CCDC170: variants seen among roughly 807,000 people sequenced by gnomAD.
The protein encoded by CCDC170 is coiled-coil domain containing 170, also known as coiled-coil domain-containing protein 170.
Under a neutral mutation model 72.6 loss-of-function variants are expected in CCDC170, and 69 were observed. The ratio of observed to expected loss-of-function variants is 0.95; its 90% CI spans 0.78 to 1.16. CCDC170 has a LOEUF of 1.16. Ranked by LOEUF, CCDC170 falls within the 50% of genes most tolerant of loss-of-function variation. CCDC170 has a pLI of 0.00. For synonymous variants in CCDC170, 300 were observed against 303.9 expected (o/e 0.99, Z 0.13); for missense variants, 852 against 832.5 (o/e 1.02, Z -0.29).
chr6:151,520,648 C>T (rs1477257517), intron 1 of CCDC170, among the ~76,000 whole-genome samples: 1 of 152,182 alleles, frequency 6.6e-6, no homozygotes, highest in Non-Finnish European at 1.5e-5. Context: ...GACTCTGACC[C>T]TCCCTAAACT....
intron 1 of CCDC170, among the ~76,000 whole-genome samples, chr6:151,530,359 A>C (rs1404804700): frequency 6.6e-6 from 1 of 151,370 alleles, no homozygotes; most frequent in East Asian, 1.9e-4. Flanking sequence ...ATTTTGTACC[A>C]GTTTATCTTT....
chr6:151,526,732 CT>C (rs746064973), intron 1 of CCDC170, among the ~76,000 whole-genome samples: 4 of 151,826 alleles, frequency 2.6e-5, no homozygotes, highest in Admixed American at 1.3e-4. Context: ...CCTTAATTGC[CT>C]GATTTTTAGG....
chr6:151,533,873 T>A (rs1315150148), intron 1 of CCDC170, among the ~76,000 whole-genome samples: 1 of 152,156 alleles, frequency 6.6e-6, no homozygotes, highest in Non-Finnish European at 1.5e-5. Context: ...GAGTAGGCTA[T>A]CAGTAAATAC....
intron 4 of CCDC170, 54 bp from the exon 5 acceptor site, chr6:151,548,250 A>T (rs1167369399): frequency 1.4e-6 from 2 of 1,429,058 alleles, no homozygotes; most frequent in Non-Finnish European, 1.9e-6. Flanking sequence ...TTGCTTAGAG[A>T]AAATGATGAA....
At chr6:151,518,286 C>CA (rs1782265892) in intron 1 of CCDC170, among the ~76,000 whole-genome samples, 1 of 152,108 alleles carries the variant, frequency 6.6e-6, no homozygotes, top group African/African-American at 2.4e-5. Context: ...AGCCCATCTC[C>CA]AGGGGGTGGG....
rs539315855 is a variant in CCDC170 at position 151,619,585 on chromosome 6, T to C, written c.*1438T>C. 1 of 152,200 alleles carries C rather than the reference T, an allele frequency of 6.6e-6. No individual in the cohort carries two copies. Among genetic ancestry groups the C allele is most frequent in the Non-Finnish European group, 1.5e-5 (1 of 68,010 alleles). The allele number at this position is 152,200 out of a possible 1,614,324, so 9.4% of individuals were successfully genotyped here. The stretch of plus-strand genomic sequence containing the variant: ...GAACATTAGGAGAAAATGAAAAATA[T>C]ACAACCAACCGTTCGTGAGTCATCA... On this transcript the variant is annotated 3_prime_UTR_variant, in exon 11 of 11. Coordinates refer to ENST00000239374, the MANE Select transcript of CCDC170 (RefSeq NM_025059.4).
chr6:151,585,686 G>A (rs1018588520), intron 6 of CCDC170, among the ~76,000 whole-genome samples: 10 of 152,060 alleles, frequency 6.6e-5, no homozygotes, highest in Non-Finnish European at 5.9e-5. Context: ...AATACCAATC[G>A]AAAAATTTAA....
chr6:151,605,069 T>C (rs1055146390), intron 9 of CCDC170, among the ~76,000 whole-genome samples: 11 of 152,294 alleles, frequency 7.2e-5, no homozygotes, highest in Non-Finnish European at 1.5e-4. Context: ...TCCCAGCCTC[T>C]AATAACCACA....
intron 9 of CCDC170, among the ~76,000 whole-genome samples, chr6:151,606,117 G>T (rs981572799): frequency 6.6e-6 from 1 of 152,108 alleles, no homozygotes; most frequent in East Asian, 1.9e-4. Flanking sequence ...GGCCAGCATG[G>T]TCTCGAACTC....
chr6:151,527,045 T>C (rs1446892493), intron 1 of CCDC170, among the ~76,000 whole-genome samples: 4 of 143,466 alleles, frequency 2.8e-5, no homozygotes, highest in Non-Finnish European at 6.0e-5. Flanking sequence ...CCACCATGCT[T>C]AGCTATTTTT....
intron 1 of CCDC170, among the ~76,000 whole-genome samples, chr6:151,521,649 G>A (rs1263073564): frequency 6.6e-6 from 1 of 152,142 alleles, no homozygotes; most frequent in Non-Finnish European, 1.5e-5. Context: ...GAAATGTCTT[G>A]ATGTCCCACT....
chr6:151,550,698 T>A (rs1782864513), intron 5 of CCDC170, among the ~76,000 whole-genome samples: 1 of 152,120 alleles, frequency 6.6e-6, no homozygotes, highest in South Asian at 2.1e-4. Flanking sequence ...AAATCCAAGA[T>A]CAGAACCAAC....
intron 7 of CCDC170, among the ~76,000 whole-genome samples, chr6:151,592,766 G>T (rs1374519931): frequency 6.6e-6 from 1 of 152,208 alleles, no homozygotes; most frequent in African/African-American, 2.4e-5. Context: ...CCTGAGAGGG[G>T]CATGGTTGCA....
At chr6:151,581,275 C>T (rs567676978) in intron 6 of CCDC170, among the ~76,000 whole-genome samples, 1 of 152,194 alleles carries the variant, frequency 6.6e-6, no homozygotes, top group African/African-American at 2.4e-5. Context: ...TCCTCTCAAA[C>T]CTTGCTGCTT....
intron 7 of CCDC170, 75 bp downstream of exon 7, chr6:151,586,164 T>C: frequency 6.9e-7 from 1 of 1,451,816 alleles, no homozygotes; most frequent in Admixed American, 2.1e-5. Context: ...ATATCCTGAA[T>C]TTTACAGTAT....
At chr6:151,583,661 T>C (rs1053135580) in intron 6 of CCDC170, among the ~76,000 whole-genome samples, 2 of 151,298 alleles carry the variant, frequency 1.3e-5, no homozygotes, top group Middle Eastern at 3.4e-3. Flanking sequence ...TTTCGCCATG[T>C]TGGCCAGGCT....
chr6:151,504,158 C>T (rs1485200002), intron 1 of CCDC170, among the ~76,000 whole-genome samples: 1 of 152,116 alleles, frequency 6.6e-6, no homozygotes, highest in Non-Finnish European at 1.5e-5. Flanking sequence ...ACAAATGATT[C>T]AGCAATCATA....
rs745655791 is a variant in CCDC170 at position 151,617,408 on chromosome 6, C to CTTTTT, written c.1948-498_1948-494dup. ...AGCTTATACTTTCTTGCTGTTTGTT[C>CTTTTT]TTTTTTTTTTTTTTTTTTTTTTTTT... On this transcript the variant is annotated intron_variant, in intron 10 of 10. Coordinates refer to ENST00000239374, the MANE Select transcript of CCDC170 (RefSeq NM_025059.4). Among the ~76,000 whole-genome samples, 12 of 91,444 alleles carry CTTTTT rather than the reference C, an allele frequency of 1.3e-4. 1 individual carries two copies. The highest frequency in any genetic ancestry group is 1.6e-4 in the African/African-American group (4 of 25,486). 60.0% of individuals were successfully genotyped at this position (91,444 alleles called of 152,430 possible). A position where few individuals can be genotyped will look rare whatever the true frequency, so the allele number is the denominator to read the frequency against.
At chr6:151,617,915 C>T in intron 10 of CCDC170, 32 bp from the exon 11 acceptor site, 1 of 1,595,206 alleles carries the variant, frequency 6.3e-7, no homozygotes, top group South Asian at 1.1e-5. Flanking sequence ...ATTTTGTTCT[C>T]CCAGTTAATG....
Sources: gnomAD v4.1 joint callset for allele counts (sites outside exome capture counted in the v4.1 genomes callset) on GRCh38, gnomAD v4.1.1 for gene constraint, MANE v1.5 for transcripts, NCBI Gene and HGNC (gene_info 2026-07-23, HGNC 2026-07-21) for gene names.